CFAP57: variants seen among roughly 807,000 people sequenced by gnomAD.
CFAP57 encodes cilia- and flagella-associated protein 57.
In CFAP57, 116 loss-of-function variants were observed where a neutral mutation model predicts 146.8. The ratio of observed to expected loss-of-function variants is 0.79; its 90% CI spans 0.68 to 0.92. CFAP57 has a LOEUF of 0.92. Among genes scored for constraint, CFAP57 ranks in the 40% least tolerant of loss-of-function variants. CFAP57 has a pLI of 0.00. For missense variants in CFAP57, 1,377 were observed against 1,527.2 expected (o/e 0.90, Z 1.64); for synonymous variants, 518 against 552.8 (o/e 0.94, Z 0.88).
chr1:43,233,257 G>A (rs1004566036), intron 19 of CFAP57, among the ~76,000 whole-genome samples: 9 of 152,162 alleles, frequency 5.9e-5, no homozygotes, highest in East Asian at 1.9e-4. Flanking sequence ...TTGGGAGGCC[G>A]AGGCAGGTGG....
chr1:43,252,981 G>A (rs1050410483), intron 22 of CFAP57, among the ~76,000 whole-genome samples: 11 of 152,144 alleles, frequency 7.2e-5, no homozygotes, highest in African/African-American at 2.2e-4. Flanking sequence ...TCTAATTGAA[G>A]TTTGAGAAAG....
chr1:43,233,663 G>A (rs952695636), intron 19 of CFAP57, among the ~76,000 whole-genome samples: 1 of 152,172 alleles, frequency 6.6e-6, no homozygotes, highest in Non-Finnish European at 1.5e-5. Context: ...GTTATATTGA[G>A]AGGTAGAAAA....
In CFAP57 at chr1:43,222,789, C is replaced by T. The variant is rs1557799844; in HGVS notation, c.2533-35C>T. The T allele has an allele frequency of 1.1e-5, 17 of 1,495,326 alleles. No individual in the cohort carries two copies. The Middle Eastern group carries it at 5.2e-4, about 46-fold the overall frequency. The allele number at this position is 1,495,326 out of a possible 1,614,324, so 92.6% of individuals were successfully genotyped here. A position where few individuals can be genotyped will look rare whatever the true frequency, so the allele number is the denominator to read the frequency against. On this transcript the variant is annotated intron_variant, in intron 15 of 22. Transcript: ENST00000372492. ...TGGCACAAAGATGTGTGAGTCCCTT[C>T]TCCCCTGACCACACGCCCACTCTCT... is the stretch of plus-strand genomic sequence containing the variant.
intron 6 of CFAP57, among the ~76,000 whole-genome samples, chr1:43,197,282 G>A (rs754809054): frequency 2.6e-5 from 4 of 152,144 alleles, no homozygotes; most frequent in South Asian, 2.1e-4. Flanking sequence ...GTGTGAACCC[G>A]GGAGGCGGAG....
chr1:43,192,477 G>T (rs184754541), intron 6 of CFAP57, among the ~76,000 whole-genome samples: 197 of 152,208 alleles, frequency 1.3e-3, no homozygotes, highest in African/African-American at 4.6e-3. Context: ...TACAAAATTA[G>T]CCAGGCGTGG....
rs1643160604 is a variant in CFAP57, at chr1:43,186,850, G to T, written c.1113G>T (p.Glu371Asp). ...QLYSITMSLT[E>D]ISKGEPAHFE... ...ACAGCATCACCATGTCCCTGACAGA[G>T]ATCAGCAAGGTGAGTCTTTCCAGCA... The change falls in exon 6 of 23, where the codon GAG becomes GAT. Residue 371 changes from glutamate to aspartate, a missense_variant. Physicochemically the swap from Glu to Asp is conservative, Grantham distance 45. Transcript: ENST00000372492. The T allele has an allele frequency of 6.2e-7, 1 of 1,614,032 alleles. No homozygotes were observed. The highest frequency in any genetic ancestry group is 1.3e-5 in the African/African-American group (1 of 74,930).
rs1331195380 is a variant in CFAP57, at chr1:43,234,567, C to G, written c.3334C>G (p.Leu1112Val). Residue 1112 changes from leucine (L) to valine (V), a missense_variant, in exon 21 of 23, where the codon CTG becomes GTG. Leu to Val is a conservative substitution (Grantham distance 32, BLOSUM62 1). Coordinates refer to ENST00000372492, the MANE Select transcript of CFAP57 (RefSeq NM_001378189.1). ...GCAGCGGGAGCACCTGGAGAGGAAC[C>G]TGGCCACTCTCAAGAAGAAGGTGGT... ...TRQREHLERN[L>V]ATLKKKVVKE... 1.9e-6 allele frequency: 3 copies of G among 1,550,370 alleles called. No homozygotes were observed. The highest frequency in any genetic ancestry group is 1.4e-5 in the African/African-American group (1 of 73,004).
chr1:43,208,759 G>C (rs966206684), intron 10 of CFAP57, among the ~76,000 whole-genome samples: 2 of 151,916 alleles, frequency 1.3e-5, no homozygotes, highest in Non-Finnish European at 2.9e-5. Flanking sequence ...AAACCTGCAC[G>C]TTGTGCACAT....
At chr1:43,176,116 A>G (rs1365205423) in intron 2 of CFAP57, among the ~76,000 whole-genome samples, 1 of 152,030 alleles carries the variant, frequency 6.6e-6, no homozygotes, top group Non-Finnish European at 1.5e-5. Context: ...CATATATTCT[A>G]TAAGCAACCA....
chr1:43,186,216 T>C (rs1044914326), intron 5 of CFAP57, among the ~76,000 whole-genome samples: 1 of 152,072 alleles, frequency 6.6e-6, no homozygotes, highest in African/African-American at 2.4e-5. Context: ...TATTCCAGTC[T>C]GGGTGACAGA....
Position 43,186,710 on chromosome 1 carries a change from C to A in CFAP57, c.973C>A (p.Pro325Thr), listed in dbSNP as rs756020796. Reference sequence around the variant, plus strand: ...AGCTGTTTTGCATTTTGGGCAGATTCCTGTGGACCCGCAGAGCAATGATCC... The same window carrying A: ...AGCTGTTTTGCATTTTGGGCAGATTACTGTGGACCCGCAGAGCAATGATCC... ...FYRESREIRI[P>T]VDPQSNDPSQ... The change falls in exon 6 of 23, where the codon CCT becomes ACT. Residue 325 changes from proline (P) to threonine (T), a missense_variant. By Grantham distance (38) the Pro-to-Thr change is conservative (BLOSUM62 -1). Transcript: ENST00000372492. 5 of 1,613,644 alleles carry A rather than the reference C, an allele frequency of 3.1e-6. No homozygotes were observed. The highest frequency in any genetic ancestry group is 4.2e-6 in the Non-Finnish European group (5 of 1,179,790).
At chr1:43,233,531 G>A (rs1645559572) in intron 19 of CFAP57, among the ~76,000 whole-genome samples, 1 of 151,882 alleles carries the variant, frequency 6.6e-6, no homozygotes, top group South Asian at 2.1e-4. Context: ...TCTGCAGTAA[G>A]CATTAACTAA....
chr1:43,249,464 G>C (rs1355396757), intron 22 of CFAP57, among the ~76,000 whole-genome samples: 1 of 93,568 alleles, frequency 1.1e-5, no homozygotes, highest in African/African-American at 4.3e-5. Context: ...GAGTCTTGCT[G>C]TGTCACCCAG....
At chr1:43,221,152 G>GA (rs1365856333) in intron 13 of CFAP57, among the ~76,000 whole-genome samples, 3 of 152,198 alleles carry the variant, frequency 2.0e-5, no homozygotes, top group Non-Finnish European at 4.4e-5. Flanking sequence ...CCATTTAGTA[G>GA]CAAGAATAGA....
At chr1:43,246,507 C>T (rs993167237) in intron 22 of CFAP57, among the ~76,000 whole-genome samples, 9 of 152,160 alleles carry the variant, frequency 5.9e-5, no homozygotes. Flanking sequence ...TTACCTTACA[C>T]CATATACAAC....
chr1:43,243,250 A>G lies in CFAP57; in HGVS notation c.3429A>G (p.Glu1143=). The change falls in exon 22 of 23, where the codon GAA becomes GAG. Residue 1143 remains glutamate (E), a synonymous_variant. Transcript: ENST00000372492. The part of the protein sequence containing the change: ...IMQENVSLIK[E]INELRRELKF... ...AGGAAAATGTCTCTCTGATCAAGGA[A>G]ATTAATGAGCTCCGCAGGGAGCTGA... The G allele has an allele frequency of 6.5e-7, 1 of 1,550,070 alleles. No individual in the cohort carries two copies. The highest frequency in any genetic ancestry group is 2.0e-5 in the Admixed American group (1 of 50,962).
At chr1:43,200,194 A>G (rs973831387) in intron 9 of CFAP57, among the ~76,000 whole-genome samples, 2 of 152,180 alleles carry the variant, frequency 1.3e-5, no homozygotes, top group Admixed American at 6.5e-5. Context: ...GATTCAAATG[A>G]TTTTAGAAAG....
intron 11 of CFAP57, among the ~76,000 whole-genome samples, chr1:43,213,313 A>AC (rs1196101491): frequency 6.6e-6 from 1 of 152,172 alleles, no homozygotes; most frequent in African/African-American, 2.4e-5. Flanking sequence ...GTTTTTCTGT[A>AC]CCTGACATAT....
chr1:43,205,450 TGA>T (rs1644317713), intron 9 of CFAP57, among the ~76,000 whole-genome samples: 1 of 152,210 alleles, frequency 6.6e-6, no homozygotes, highest in Non-Finnish European at 1.5e-5. Flanking sequence ...CTCACTTCTG[TGA>T]GTGACACTTG....
Sources: allele counts gnomAD v4.1 joint callset (sites outside exome capture counted in the v4.1 genomes callset), GRCh38; gene constraint gnomAD v4.1.1; transcripts MANE v1.5; gene names NCBI Gene and HGNC (gene_info 2026-07-23, HGNC 2026-07-21).